Variants in ADRA1B observed in about 807,000 individuals in gnomAD.
The protein encoded by ADRA1B is alpha-1B adrenergic receptor.
Under a neutral mutation model 17.9 loss-of-function variants are expected in ADRA1B, and 17 were observed. The ratio of observed to expected loss-of-function variants is 0.95; its 90% CI spans 0.65 to 1.42. The LOEUF (loss-of-function observed/expected upper bound fraction) is 1.42. Ranked by LOEUF, ADRA1B falls within the 40% of genes most tolerant of loss-of-function variation. The pLI, the probability that ADRA1B is intolerant of heterozygous loss-of-function variation, is 0.00. For missense variants in ADRA1B, 681 were observed against 722.1 expected (o/e 0.94, Z 0.65); for synonymous variants, 366 against 327.6 (o/e 1.12, Z -1.27).
rs551085088 is a variant in ADRA1B at position 159,938,699 on chromosome 5, GC to G, written c.949+20846del. Among the ~76,000 whole-genome samples the G allele has an allele frequency of 7.2e-5, 11 of 152,330 alleles. No homozygotes were observed. In the South Asian group the frequency reaches 2.3e-3, roughly 32 times the overall value. The stretch of plus-strand genomic sequence containing the variant: ...GATTTGCATAGTTGAATGTAATAAA[GC>G]TTCATTGAAAAGTAGTTATAACAAC... On this transcript the variant is annotated intron_variant, in intron 1 of 1. Coordinates refer to ENST00000306675, the MANE Select transcript of ADRA1B (RefSeq NM_000679.4).
intron 1 of ADRA1B, chr5:159,951,443 G>A: frequency 1.3e-6 from 1 of 746,880 alleles, no homozygotes; most frequent in African/African-American, 1.7e-5. Context: ...AGCTGCCCTG[G>A]TGAGCAGGTG....
rs758957997 is a variant in ADRA1B at position 159,972,220 on chromosome 5, C to T, written c.1291C>T (p.Leu431=). The change falls in exon 2 of 2, where the codon CTG becomes TTG. Residue 431 remains leucine (L), a synonymous_variant. Transcript: ENST00000306675. ...LPSASPSPGY[L]GRGAPPPVEL... is the part of the protein sequence containing the mutation. The stretch of plus-strand genomic sequence containing the variant: ...CTCGGCCTCGCCGAGCCCGGGCTAC[C>T]TGGGCCGCGGCGCGCCACCGCCAGT... The T allele has an allele frequency of 7.5e-7, 1 of 1,339,364 alleles. No individual in the cohort carries two copies. The highest frequency in any genetic ancestry group is 3.2e-5 in the Admixed American group (1 of 31,676). 83.0% of individuals were successfully genotyped at this position (1,339,364 alleles called of 1,614,324 possible).
chr5:159,963,063 C>A (rs1448884825), intron 1 of ADRA1B, among the ~76,000 whole-genome samples: 2 of 149,450 alleles, frequency 1.3e-5, no homozygotes, highest in African/African-American at 4.9e-5. Context: ...TTGCACCTGG[C>A]CTTTTAGCTT....
chr5:159,986,696 T>G, the ADRA1B span, among the ~76,000 whole-genome samples: 1 of 152,216 alleles, frequency 6.6e-6, no homozygotes, highest in Non-Finnish European at 1.5e-5. Context: ...AGTTGGTCCA[T>G]GGACCAGATA....
At chr5:159,974,014 G>T (rs193164284), downstream of ADRA1B, among the ~76,000 whole-genome samples, 1 of 152,230 alleles carries the variant, frequency 6.6e-6, no homozygotes, top group Non-Finnish European at 1.5e-5. Flanking sequence ...CAAATGGCAA[G>T]AACCTCTTCC....
chr5:159,962,837 ATT>A (rs756263225), intron 1 of ADRA1B, among the ~76,000 whole-genome samples: 6 of 43,004 alleles, frequency 1.4e-4, no homozygotes, highest in Non-Finnish European at 1.4e-4. Context: ...ACACCTGGCT[ATT>A]TTTTTTTTTT....
intron 1 of ADRA1B, chr5:159,870,967 T>C (rs1403285451): frequency 6.6e-6 from 1 of 152,176 alleles, no homozygotes; most frequent in African/African-American, 2.4e-5. Flanking sequence ...AACCATGAAA[T>C]CTTCCACATT....
intron 1 of ADRA1B, among the ~76,000 whole-genome samples, chr5:159,924,354 C>A (rs1485305615): frequency 1.3e-5 from 2 of 152,098 alleles, no homozygotes; most frequent in Admixed American, 1.3e-4. Flanking sequence ...ATGTCAATCC[C>A]TTTCAGAAAT....
chr5:159,963,649 C>G (rs1481634415), intron 1 of ADRA1B, among the ~76,000 whole-genome samples: 1 of 152,204 alleles, frequency 6.6e-6, no homozygotes, highest in Non-Finnish European at 1.5e-5. Flanking sequence ...AGCCCATCGC[C>G]TGGCACAGAG....
At chr5:159,966,490 T>TA (rs1340553467) in intron 1 of ADRA1B, among the ~76,000 whole-genome samples, 3 of 151,930 alleles carry the variant, frequency 2.0e-5, no homozygotes, top group South Asian at 2.1e-4. Context: ...CCCATTCCAA[T>TA]AAAAAAGGGG....
At chr5:159,912,583 C>T (rs998643153), upstream of ADRA1B, among the ~76,000 whole-genome samples, 8 of 152,304 alleles carry the variant, frequency 5.3e-5, no homozygotes, top group Admixed American at 1.3e-4. Context: ...AACATTGAAC[C>T]TTCTGCTGCC....
At chr5:159,881,879 A>G (rs1323788098) in intron 1 of ADRA1B, among the ~76,000 whole-genome samples, 2 of 152,268 alleles carry the variant, frequency 1.3e-5, no homozygotes, top group Admixed American at 6.5e-5. Flanking sequence ...TGAAATTCTG[A>G]TTCAGAGCCA....
the ADRA1B span, among the ~76,000 whole-genome samples, chr5:159,985,726 G>A: frequency 6.6e-6 from 1 of 152,246 alleles, no homozygotes; most frequent in Non-Finnish European, 1.5e-5. Flanking sequence ...AATCTTGGAA[G>A]AAACTCTTTC....
At chr5:159,984,226 A>T in the ADRA1B span, among the ~76,000 whole-genome samples, 3 of 151,898 alleles carry the variant, frequency 2.0e-5, no homozygotes, top group South Asian at 2.1e-4. Flanking sequence ...CTTTAAGTTT[A>T]TCCACAATGG....
At chr5:159,928,131 G>A (rs537698951) in intron 1 of ADRA1B, among the ~76,000 whole-genome samples, 1 of 152,318 alleles carries the variant, frequency 6.6e-6, no homozygotes, top group Non-Finnish European at 1.5e-5. Context: ...TGAATGATGG[G>A]TGTCTTCAGA....
At chr5:159,977,016 G>T (rs777208994), downstream of ADRA1B, among the ~76,000 whole-genome samples, 67 of 152,172 alleles carry the variant, frequency 4.4e-4, 1 homozygote, top group Admixed American at 5.2e-4. Context: ...AAAGAGCTTG[G>T]CACAGAGTAG....
intron 1 of ADRA1B, among the ~76,000 whole-genome samples, chr5:159,959,832 A>G (rs1330338144): frequency 1.3e-5 from 2 of 152,086 alleles, no homozygotes. Flanking sequence ...CCATTACAAA[A>G]AAACCTAAGT....
chr5:159,955,667 G>GA (rs1203377996), intron 1 of ADRA1B, among the ~76,000 whole-genome samples: 1 of 152,168 alleles, frequency 6.6e-6, no homozygotes, highest in Non-Finnish European at 1.5e-5. Context: ...TAGGCTCAAA[G>GA]AAACTCTGGC....
At chr5:159,871,305 T>A (rs10077860) in intron 1 of ADRA1B, 16,286 of 152,168 alleles carry the variant, frequency 0.11, 1,164 homozygotes, top group African/African-American at 0.2. Flanking sequence ...CAGTGGCCCA[T>A]TATAACTGGA....
Sources: gnomAD v4.1 joint callset for allele counts (sites outside exome capture counted in the v4.1 genomes callset) on GRCh38, gnomAD v4.1.1 for gene constraint, MANE v1.5 for transcripts, NCBI Gene and HGNC (gene_info 2026-07-23, HGNC 2026-07-21) for gene names.